The following PRICKLE1 variants were observed in gnomAD, a reference collection of about 807,000 sequenced individuals.
PRICKLE1 encodes prickle planar cell polarity protein 1.
A neutral mutation model predicts 70.2 loss-of-function variants in PRICKLE1; 14 were observed. That is an observed-to-expected ratio of 0.20 (90% CI 0.13 to 0.31). PRICKLE1 has a LOEUF of 0.31. Ranked by LOEUF, PRICKLE1 falls within the 10% of genes least tolerant of loss-of-function variation. The probability of loss-of-function intolerance (pLI) is 1.00; values close to 1 mark genes in which losing one functional copy is unlikely to be tolerated. For missense variants in PRICKLE1, 821 were observed against 1,026.2 expected, an observed-to-expected ratio of 0.80 and a Z score of 2.73; for synonymous variants, 357 against 379.9, an observed-to-expected ratio of 0.94 and a Z score of 0.70.
At chr12:42,534,450 A>G (rs1939984129) in intron 1 of PRICKLE1, among the ~76,000 whole-genome samples, 2 of 152,226 alleles carry the variant, frequency 1.3e-5, no homozygotes, top group South Asian at 4.1e-4. Context: ...GGCCAGCAAC[A>G]GTGTGTGAGC....
chr12:42,521,929 GGTGTGTGTGTGTGTGTGTGTGTGTGT>G (rs72169209), intron 1 of PRICKLE1, among the ~76,000 whole-genome samples: 1 of 139,876 alleles, frequency 7.1e-6, no homozygotes, highest in African/African-American at 2.8e-5. Context: ...GTTTGTTTTT[GGTGTGTGTGTGTGTGTGTGTGTGTGT>G]GTGTGTGTGT....
chr12:42,518,406 C>T (rs926953300), intron 1 of PRICKLE1, among the ~76,000 whole-genome samples: 4 of 152,044 alleles, frequency 2.6e-5, no homozygotes, highest in Admixed American at 2.0e-4. Flanking sequence ...TTTTTTTATA[C>T]CCTGGAGAAT....
chr12:42,464,879 T>C lies in PRICKLE1; in HGVS notation c.1155A>G (p.Thr385=), dbSNP rs1432287375. The C allele has an allele frequency of 6.2e-7, 1 of 1,614,150 alleles. No homozygotes were observed. The highest frequency in any genetic ancestry group is 2.2e-5 in the East Asian group (1 of 44,874). The part of the protein sequence containing the change: ...LDDLSLSRQG[T]SFASEEFWKG... ...TCCAAAATTCTTCACTGGCAAAACT[T>C]GTTCCTTGTCTGGAGAGACTCAGAT... is the stretch of plus-strand genomic sequence containing the variant. The change falls in exon 7 of 8, where the codon ACA becomes ACG. Residue 385 remains threonine, a synonymous_variant. Transcript: ENST00000345127. This position sits in a 1 kb window ranked among gnomAD's most constrained non-coding sequence, Gnocchi z 4.2.
intron 1 of PRICKLE1, among the ~76,000 whole-genome samples, chr12:42,544,296 A>G (rs1478411351): frequency 1.3e-5 from 2 of 152,250 alleles, no homozygotes; most frequent in African/African-American, 4.8e-5. Context: ...CTTTATCAGT[A>G]TATGTAAAGT....
intron 1 of PRICKLE1, among the ~76,000 whole-genome samples, chr12:42,510,584 C>T (rs1303431500): frequency 2.6e-5 from 4 of 151,332 alleles, no homozygotes; most frequent in Non-Finnish European, 4.4e-5. Flanking sequence ...GAAAGCATAA[C>T]TTTTTTTTTA....
chr12:42,462,373 G>A (rs575975930), intron 7 of PRICKLE1, among the ~76,000 whole-genome samples: 6 of 151,946 alleles, frequency 3.9e-5, no homozygotes, highest in East Asian at 1.9e-4. Context: ...GCTAATTTTC[G>A]TATTTTTAGT....
At chr12:42,543,020 C>T (rs908550354) in intron 1 of PRICKLE1, among the ~76,000 whole-genome samples, 3 of 152,166 alleles carry the variant, frequency 2.0e-5, no homozygotes, top group Non-Finnish European at 4.4e-5. Flanking sequence ...TTGCTCTTTC[C>T]ACCATATAAG....
rs547832639 is a variant in PRICKLE1 at position 42,515,819 on chromosome 12, T to G, written c.-48-43255A>C. 5.5e-4 allele frequency among the ~76,000 whole-genome samples: 83 copies of G among 152,202 alleles called. 1 individual carries two copies. Among genetic ancestry groups the G allele is most frequent in the Admixed American group, 5.4e-3 (83 of 15,280 alleles). On this transcript the variant is annotated intron_variant, in intron 1 of 7. Transcript: ENST00000345127. ...AAAAGGCTGTAGAACCTACCTTTTA[T>G]GTTCCAGTATTCTAAAATTACCTGA...
intron 1 of PRICKLE1, among the ~76,000 whole-genome samples, chr12:42,563,379 T>C (rs1488295082): frequency 6.6e-6 from 1 of 151,860 alleles, no homozygotes; most frequent in African/African-American, 2.4e-5. Flanking sequence ...GGTATATGAA[T>C]GTTGCACAAT....
chr12:42,522,351 C>T (rs1382797005), intron 1 of PRICKLE1, among the ~76,000 whole-genome samples: 1 of 152,126 alleles, frequency 6.6e-6, no homozygotes, highest in Non-Finnish European at 1.5e-5. Context: ...AATCCTCCCA[C>T]TCAGTCTACT....
chr12:42,528,593 A>G (rs772921856), intron 1 of PRICKLE1, among the ~76,000 whole-genome samples: 2 of 152,230 alleles, frequency 1.3e-5, no homozygotes, highest in Non-Finnish European at 2.9e-5. Flanking sequence ...CTTATTAAAT[A>G]GGTAAGTTCA....
intron 1 of PRICKLE1, among the ~76,000 whole-genome samples, chr12:42,560,734 T>G (rs1940496748): frequency 6.7e-6 from 1 of 149,146 alleles, no homozygotes; most frequent in African/African-American, 2.5e-5. Context: ...AAAAAAATCA[T>G]CCCTTAAGCT....
intron 1 of PRICKLE1, among the ~76,000 whole-genome samples, chr12:42,497,454 T>C (rs535882562): frequency 1.7e-3 from 242 of 142,290 alleles, no homozygotes; most frequent in Non-Finnish European, 2.6e-3. Context: ...GAGGCTGAGG[T>C]GGGCGAATGG....
At chr12:42,566,958 G>A (rs1314674971) in intron 1 of PRICKLE1, among the ~76,000 whole-genome samples, 2 of 152,166 alleles carry the variant, frequency 1.3e-5, no homozygotes, top group Non-Finnish European at 2.9e-5. Context: ...AGTTCAGGGT[G>A]CAGAAAATAA....
chr12:42,529,531 A>C (rs1329681528), intron 1 of PRICKLE1, among the ~76,000 whole-genome samples: 1 of 152,216 alleles, frequency 6.6e-6, no homozygotes, highest in Non-Finnish European at 1.5e-5. Context: ...TAGAAATGTG[A>C]TTCTTACAGA....
At chr12:42,466,123 A>C in intron 6 of PRICKLE1, 71 bp downstream of exon 6, 1 of 1,534,276 alleles carries the variant, frequency 6.5e-7, no homozygotes, top group Non-Finnish European at 9.0e-7. Context: ...GAAAAAGAAA[A>C]AATAAGACTG....
intron 1 of PRICKLE1, among the ~76,000 whole-genome samples, chr12:42,534,782 TA>T (rs1347444400): frequency 1.3e-5 from 2 of 151,700 alleles, no homozygotes; most frequent in Admixed American, 6.6e-5. Flanking sequence ...AAGGGGATAC[TA>T]AAAAAAACCC....
intron 1 of PRICKLE1, among the ~76,000 whole-genome samples, chr12:42,566,866 A>T (rs1008836789): frequency 3.3e-5 from 5 of 152,212 alleles, no homozygotes; most frequent in Non-Finnish European, 7.3e-5. Context: ...TCATCAAAGA[A>T]AAAGTTTTTG....
At chr12:42,527,949 A>G (rs1282615433) in intron 1 of PRICKLE1, among the ~76,000 whole-genome samples, 6 of 89,742 alleles carry the variant, frequency 6.7e-5, no homozygotes, top group Non-Finnish European at 1.2e-4. Context: ...ATATATATAT[A>G]TATATATATA....
Sources: gnomAD v4.1 joint callset for allele counts (sites outside exome capture counted in the v4.1 genomes callset) on GRCh38, gnomAD v4.1.1 for gene constraint, Gnocchi (gnomAD v3.1) non-coding constraint, MANE v1.5 for transcripts, NCBI Gene and HGNC (gene_info 2026-07-23, HGNC 2026-07-21) for gene names.